Variants in ELP1 observed in about 807,000 individuals in gnomAD.
The protein encoded by ELP1 is elongator acetyltransferase complex subunit 1, also known as elongator complex protein 1.
In ELP1, 131 loss-of-function variants were observed where a neutral mutation model predicts 183.2. That is an observed-to-expected ratio of 0.72 (90% CI 0.62 to 0.83). ELP1 has a LOEUF of 0.83. Ranked by LOEUF, ELP1 falls within the 40% of genes least tolerant of loss-of-function variation. ELP1 has a pLI of 0.00. For synonymous variants in ELP1, 555 were observed against 569.0 expected (o/e 0.98, Z 0.35); for missense variants, 1,550 against 1,594.9 (o/e 0.97, Z 0.48).
chr9:108,882,225 A>G, intron 29 of ELP1, 38 bp from the exon 30 acceptor site: 2 of 1,585,320 alleles, frequency 1.3e-6, no homozygotes, highest in Non-Finnish European at 8.6e-7. Context: ...AAGTGAAGAG[A>G]GCATGTCAGA....
chr9:108,928,549 A>G (rs562440848), intron 3 of ELP1, among the ~76,000 whole-genome samples: 1 of 152,200 alleles, frequency 6.6e-6, no homozygotes, highest in Non-Finnish European at 1.5e-5. Flanking sequence ...ACTAAAACAT[A>G]AGGTTTACGT....
In ELP1 at chr9:108,905,802, G is replaced by T. The variant is rs1587901660; in HGVS notation, c.1643+501C>A. On this transcript the variant is annotated intron_variant, in intron 14 of 36. Transcript: ENST00000374647. Reference sequence around the variant, plus strand: ...AACCTGGACAGCATGTTACTTTACAGAATACTACAGGCAATTGTAATACCA... The same window carrying T: ...AACCTGGACAGCATGTTACTTTACATAATACTACAGGCAATTGTAATACCA... Among the ~76,000 whole-genome samples the T allele has an allele frequency of 2.6e-5, 4 of 151,790 alleles. 1 individual carries two copies. Among genetic ancestry groups the T allele is most frequent in the African/African-American group, 9.7e-5 (4 of 41,366 alleles).
At chr9:108,889,755 T>C in intron 28 of ELP1, 1 of 333,120 alleles carries the variant, frequency 3.0e-6, no homozygotes, top group South Asian at 2.8e-5. Flanking sequence ...GCAGTGTCTT[T>C]AGATCCTAGA....
chr9:108,897,048 T>C lies in ELP1; in HGVS notation c.2502-10A>G, dbSNP rs1828580180. On this transcript the variant is annotated splice_polypyrimidine_tract_variant and intron_variant, in intron 23 of 36. Coordinates refer to ENST00000374647, the MANE Select transcript of ELP1 (RefSeq NM_003640.5). ...TATGGATAGGCAGTATCTGAGGTAA[T>C]AAGTGAAGAACACCAGAATGAGAAA... 6.2e-7 allele frequency: 1 copy of C among 1,613,740 alleles called. No homozygotes were observed. The highest frequency in any genetic ancestry group is 8.5e-7 in the Non-Finnish European group (1 of 1,179,680).
In ELP1 at chr9:108,869,165, G is replaced by C; in HGVS notation, c.3949C>G (p.Pro1317Ala). ...VPVLDAELFI[P>A]PKINRRTQWK... is the part of the protein sequence containing the mutation. ...TGGGTTCTTCTGTTGATCTTTGGTG[G>C]TATAAAAAGCTCAGCATCTAAAAGC... The change falls in exon 37 of 37, where the codon CCA becomes GCA. Residue 1317 changes from proline to alanine, a missense_variant. Pro to Ala is a conservative substitution (Grantham distance 27). Coordinates refer to ENST00000374647, the MANE Select transcript of ELP1 (RefSeq NM_003640.5). The C allele has an allele frequency of 6.2e-7, 1 of 1,614,062 alleles. No individual in the cohort carries two copies. Among genetic ancestry groups the C allele is most frequent in the South Asian group, 1.1e-5 (1 of 91,076 alleles).
intron 35 of ELP1, among the ~76,000 whole-genome samples, chr9:108,876,203 G>T (rs545705433): frequency 6.6e-6 from 1 of 152,202 alleles, no homozygotes; most frequent in Admixed American, 6.5e-5. Context: ...CTGAGCCCGG[G>T]GCGGTGGATG....
intron 24 of ELP1, 71 bp downstream of exon 24, chr9:108,896,882 G>T: frequency 7.5e-7 from 1 of 1,333,890 alleles, no homozygotes; most frequent in Non-Finnish European, 1.1e-6. Flanking sequence ...ATGACATGGT[G>T]ATTGTCACCT....
chr9:108,892,697 G>C (rs997062259), intron 27 of ELP1, among the ~76,000 whole-genome samples: 1 of 152,130 alleles, frequency 6.6e-6, no homozygotes, highest in South Asian at 2.1e-4. Flanking sequence ...AAATATATGG[G>C]AAAGATCTGT....
rs199796698 is a variant in ELP1, at chr9:108,896,961, T to C, written c.2579A>G (p.Glu860Gly). The change falls in exon 24 of 37, where the codon GAG becomes GGG. Residue 860 changes from glutamate (E) to glycine (G), a missense_variant. Glu to Gly is a moderately conservative substitution (Grantham distance 98, BLOSUM62 -2). Transcript: ENST00000374647. ...ELEIVLQKVHELQGNAPSDPD... is the reference protein window; with the variant it reads ...ELEIVLQKVHGLQGNAPSDPD... Reference sequence around the variant, plus strand: ...TGTGAGCGGATCTCTACCTTGAAGCTCGTGTACTTTTTGCAGTACAATTTC... The same window carrying C: ...TGTGAGCGGATCTCTACCTTGAAGCCCGTGTACTTTTTGCAGTACAATTTC... The C allele has an allele frequency of 2.1e-5, 34 of 1,613,746 alleles. No individual in the cohort carries two copies. Among genetic ancestry groups the C allele is most frequent in the Non-Finnish European group, 2.2e-5 (26 of 1,179,628 alleles).
chr9:108,897,363 T>C, intron 22 of ELP1, 78 bp from the exon 23 acceptor site: 1 of 1,434,576 alleles, frequency 7.0e-7, no homozygotes, highest in Non-Finnish European at 9.8e-7. Flanking sequence ...ACACCTGGCA[T>C]GCTGATGATG....
At position 108,907,650 on chromosome 9, in the gene ELP1, T is replaced by C. The variant is rs534606060; in HGVS notation, c.1460+655A>G. 3.3e-5 allele frequency among the ~76,000 whole-genome samples: 5 copies of C among 152,314 alleles called. No homozygotes were observed. The South Asian group carries it at 1.0e-3, about 32-fold the overall frequency. ...GAATAGAATCAAACCCTAAATTCTC[T>C]AGTTACCAGGTCCATGACCTTGGGT... On this transcript the variant is annotated intron_variant, in intron 13 of 36. Coordinates refer to ENST00000374647, the MANE Select transcript of ELP1 (RefSeq NM_003640.5).
chr9:108,876,518 C>T (rs1460245133), intron 35 of ELP1, among the ~76,000 whole-genome samples: 2 of 152,096 alleles, frequency 1.3e-5, no homozygotes, highest in South Asian at 2.1e-4. Flanking sequence ...ACATGATAAG[C>T]GTATGTGTTT....
intron 5 of ELP1, among the ~76,000 whole-genome samples, chr9:108,923,198 C>G (rs191365685): frequency 2.0e-5 from 3 of 152,166 alleles, no homozygotes; most frequent in African/African-American, 7.2e-5. Context: ...AGGGAGACAC[C>G]CATCTCTACA....
At position 108,877,980 on chromosome 9, in the gene ELP1, T is replaced by A. The variant is rs1462975451; in HGVS notation, c.3855+15A>T. 6.2e-7 allele frequency: 1 copy of A among 1,614,154 alleles called. No homozygotes were observed. The highest frequency in any genetic ancestry group is 8.5e-7 in the Non-Finnish European group (1 of 1,179,982). On this transcript the variant is annotated intron_variant, in intron 35 of 36. Transcript: ENST00000374647. ...AATGATGAAAAAAATGCACACCGTC[T>A]CTGAGAAAACTTACCGGGGTAGCTG...
At chr9:108,916,152 C>T (rs1829420929) in intron 10 of ELP1, 52 bp downstream of exon 10, 1 of 1,393,578 alleles carries the variant, frequency 7.2e-7, no homozygotes, top group African/African-American at 1.4e-5. Flanking sequence ...TACCTGTCTA[C>T]TTTCAACTAC....
intron 26 of ELP1, 59 bp from the exon 27 acceptor site, chr9:108,893,142 C>T: frequency 8.8e-7 from 1 of 1,138,838 alleles, no homozygotes; most frequent in East Asian, 2.3e-5. Flanking sequence ...TAATGGACTT[C>T]ATTTATACCA....
chr9:108,871,476 GCCTTCT>G (rs1161617197), intron 36 of ELP1, among the ~76,000 whole-genome samples: 1 of 152,166 alleles, frequency 6.6e-6, no homozygotes, highest in Non-Finnish European at 1.5e-5. Flanking sequence ...CCTTGTCCAA[GCCTTCT>G]TGTTGTATGG....
chr9:108,889,004 T>C (rs1828225400), intron 29 of ELP1, among the ~76,000 whole-genome samples: 1 of 152,210 alleles, frequency 6.6e-6, no homozygotes. Flanking sequence ...ATGATCCTGT[T>C]TTATAATGGT....
At chr9:108,910,830 T>TAAA (rs11431875) in intron 12 of ELP1, among the ~76,000 whole-genome samples, 180 bp downstream of exon 12, 7 of 140,640 alleles carry the variant, frequency 5.0e-5, no homozygotes, top group Non-Finnish European at 6.1e-5. Context: ...AGTATAGGAT[T>TAAA]AAAAAAAAAA....
Sources: gnomAD v4.1 joint callset for allele counts (sites outside exome capture counted in the v4.1 genomes callset) on GRCh38, gnomAD v4.1.1 for gene constraint, MANE v1.5 for transcripts, NCBI Gene and HGNC (gene_info 2026-07-23, HGNC 2026-07-21) for gene names.